TOP2B: variants seen among roughly 807,000 people sequenced by gnomAD.
The protein encoded by TOP2B is DNA topoisomerase 2-beta.
A neutral mutation model predicts 193.5 loss-of-function variants in TOP2B; 51 were observed. The observed-to-expected ratio is 0.26, with a 90% CI of 0.21 to 0.33. TOP2B has a LOEUF of 0.33. Ranked by LOEUF, TOP2B falls within the 10% of genes least tolerant of loss-of-function variation. The probability of loss-of-function intolerance (pLI) is 1.00; values close to 1 mark genes in which losing one functional copy is unlikely to be tolerated. For missense variants in TOP2B, 1,378 were observed against 1,909.3 expected, an observed-to-expected ratio of 0.72 and a Z score of 5.19; for synonymous variants, 634 against 635.7, an observed-to-expected ratio of 1.00 and a Z score of 0.04.
chr3:25,599,334 G>T, intron 35 of TOP2B, 101 bp downstream of exon 35: 1 of 1,018,002 alleles, frequency 9.8e-7, no homozygotes, highest in Non-Finnish European at 1.4e-6. Context: ...GAGATGCTAG[G>T]TGGAAAGCTG....
intron 1 of TOP2B, among the ~76,000 whole-genome samples, chr3:25,653,213 G>GAATTA: frequency 6.6e-6 from 1 of 152,160 alleles, no homozygotes; most frequent in African/African-American, 2.4e-5. Context: ...AATCAAAGAA[G>GAATTA]AATTAACTCT....
intron 18 of TOP2B, 118 bp downstream of exon 18, chr3:25,626,439 GCTC>G: frequency 1.9e-6 from 1 of 523,500 alleles, no homozygotes; most frequent in Non-Finnish European, 3.2e-6. Flanking sequence ...CTCTGAATAA[GCTC>G]TTCATATACA....
chr3:25,645,536 C>T (rs1248631875), intron 1 of TOP2B, 66 bp from the exon 2 acceptor site: 15 of 1,208,860 alleles, frequency 1.2e-5, no homozygotes, highest in South Asian at 2.0e-5. Context: ...TATGGACACA[C>T]GACATGGGTT....
At chr3:25,642,417 A>G (rs941535094) in intron 3 of TOP2B, 32 bp from the exon 4 acceptor site, 12 of 1,372,806 alleles carry the variant, frequency 8.7e-6, no homozygotes, top group Non-Finnish European at 1.2e-5. Context: ...TGAGTAATAT[A>G]CAAAATTATA....
At chr3:25,654,165 A>T (rs1242910740) in intron 1 of TOP2B, among the ~76,000 whole-genome samples, 1 of 152,234 alleles carries the variant, frequency 6.6e-6, no homozygotes, top group Non-Finnish European at 1.5e-5. Context: ...AAGTAGAATT[A>T]TGCTCACAAA....
At chr3:25,646,442 TGA>T (rs1205029810) in intron 1 of TOP2B, among the ~76,000 whole-genome samples, 1 of 152,164 alleles carries the variant, frequency 6.6e-6, no homozygotes, top group Non-Finnish European at 1.5e-5. Context: ...CTACAGCAGA[TGA>T]GGATGTCAAA....
chr3:25,658,119 T>C (rs991382034), intron 1 of TOP2B, among the ~76,000 whole-genome samples: 1 of 148,966 alleles, frequency 6.7e-6, no homozygotes, highest in Admixed American at 6.7e-5. Flanking sequence ...TCCCAGCTAC[T>C]CAGGAGGCTG....
intron 7 of TOP2B, among the ~76,000 whole-genome samples, chr3:25,634,791 A>AAAAAAC (rs1703057298): frequency 7.2e-6 from 1 of 138,432 alleles, no homozygotes; most frequent in Non-Finnish European, 1.5e-5. Context: ...AAAAAAAAAA[A>AAAAAAC]AAAAAACCAA....
At chr3:25,620,649 C>T (rs1702634637) in intron 22 of TOP2B, 33 bp downstream of exon 22, 1 of 1,597,410 alleles carries the variant, frequency 6.3e-7, no homozygotes. Context: ...ATACACTGCC[C>T]TTCCCTCAGG....
intron 1 of TOP2B, among the ~76,000 whole-genome samples, chr3:25,661,332 A>C (rs942742977): frequency 6.6e-6 from 1 of 152,160 alleles, no homozygotes; most frequent in Non-Finnish European, 1.5e-5. Flanking sequence ...GGCTAAATAG[A>C]GGGAAGCTTG....
chr3:25,614,654 A>G (rs1219102041), intron 27 of TOP2B, among the ~76,000 whole-genome samples: 2 of 152,004 alleles, frequency 1.3e-5, no homozygotes, highest in Non-Finnish European at 2.9e-5. Flanking sequence ...AATAAATGGT[A>G]TTTTACATTT....
intron 34 of TOP2B, 142 bp from the exon 35 acceptor site, chr3:25,599,671 A>G (rs935765910): frequency 4.8e-5 from 36 of 744,380 alleles, no homozygotes; most frequent in Non-Finnish European, 8.4e-6. Context: ...AGTGATTATA[A>G]ACAATTTGGC....
intron 34 of TOP2B, 95 bp from the exon 35 acceptor site, chr3:25,599,624 A>T: frequency 3.4e-6 from 4 of 1,164,936 alleles, no homozygotes; most frequent in Non-Finnish European, 3.7e-6. Context: ...TGGCATGCCC[A>T]ATCAGTGGAG....
chr3:25,658,566 C>T (rs1703818339), intron 1 of TOP2B, among the ~76,000 whole-genome samples: 1 of 151,856 alleles, frequency 6.6e-6, no homozygotes, highest in African/African-American at 2.4e-5. Context: ...TTGACTTTTT[C>T]TGAATTTCAA....
At chr3:25,624,568 C>A in intron 19 of TOP2B, 114 bp downstream of exon 19, 1 of 1,532,602 alleles carries the variant, frequency 6.5e-7, no homozygotes, top group Non-Finnish European at 8.8e-7. Context: ...TCTGTATATT[C>A]TCTTAATTCT....
intron 1 of TOP2B, among the ~76,000 whole-genome samples, chr3:25,656,158 AATATC>A (rs1297662925): frequency 6.6e-6 from 1 of 152,176 alleles, no homozygotes; most frequent in African/African-American, 2.4e-5. Flanking sequence ...CTTTTTTCTA[AATATC>A]ATATGACAAC....
intron 1 of TOP2B, among the ~76,000 whole-genome samples, chr3:25,646,985 T>A (rs1227227912): frequency 2.0e-5 from 3 of 152,174 alleles, no homozygotes; most frequent in Non-Finnish European, 4.4e-5. Flanking sequence ...CATTCCTACA[T>A]TTATAAGTTT....
chr3:25,632,372 A>T, intron 10 of TOP2B, 74 bp downstream of exon 10: 1 of 1,308,070 alleles, frequency 7.6e-7, no homozygotes, highest in South Asian at 1.4e-5. Flanking sequence ...AACTAATCAC[A>T]AATAAAGTAA....
intron 1 of TOP2B, among the ~76,000 whole-genome samples, chr3:25,654,715 C>T (rs973599665): frequency 3.3e-5 from 5 of 152,144 alleles, no homozygotes; most frequent in Admixed American, 6.6e-5. Flanking sequence ...AAATCTAAAA[C>T]AGTGTGGCAC....
Sources: gnomAD v4.1 joint callset for allele counts (sites outside exome capture counted in the v4.1 genomes callset) on GRCh38, gnomAD v4.1.1 for gene constraint, MANE v1.5 for transcripts, NCBI Gene and HGNC (gene_info 2026-07-23, HGNC 2026-07-21) for gene names.